Variants in NCKAP5 observed in about 807,000 individuals in gnomAD.
NCKAP5 encodes NCK associated protein 5, also known as nck-associated protein 5.
A neutral mutation model predicts 167.0 loss-of-function variants in NCKAP5; 92 were observed. That is an observed-to-expected ratio of 0.55 (90% CI 0.47 to 0.66). The LOEUF (loss-of-function observed/expected upper bound fraction) is 0.66. NCKAP5 is among the 30% of genes least tolerant of loss of function. The pLI, the probability that NCKAP5 is intolerant of heterozygous loss-of-function variation, is 0.00. For synonymous variants in NCKAP5, 891 were observed against 877.4 expected (o/e 1.02, Z -0.27); for missense variants, 2,378 against 2,315.0 (o/e 1.03, Z -0.56).
intron 6 of NCKAP5, among the ~76,000 whole-genome samples, chr2:133,112,380 G>A (rs148969349): frequency 1.7e-3 from 264 of 152,054 alleles, no homozygotes; most frequent in African/African-American, 5.1e-3. Context: ...AGGCTGAGGC[G>A]GAAGAATAGC....
chr2:133,397,017 G>A (rs765144081), intron 3 of NCKAP5, among the ~76,000 whole-genome samples: 10 of 152,158 alleles, frequency 6.6e-5, no homozygotes, highest in Non-Finnish European at 1.2e-4. Flanking sequence ...AAATATGTAA[G>A]GACAGACCTT....
At chr2:132,906,347 G>A (rs1694008622) in intron 8 of NCKAP5, among the ~76,000 whole-genome samples, 1 of 152,128 alleles carries the variant, frequency 6.6e-6, no homozygotes, top group African/African-American at 2.4e-5. Flanking sequence ...GTTAATGAAA[G>A]TGCCAACAAA....
chr2:133,648,282 G>A, the NCKAP5 span, among the ~76,000 whole-genome samples: 4 of 151,874 alleles, frequency 2.6e-5, no homozygotes, highest in African/African-American at 7.3e-5. Context: ...TGGCAAAACT[G>A]AAGGGAGAAA....
At chr2:133,210,060 G>A (rs1227212877) in intron 5 of NCKAP5, among the ~76,000 whole-genome samples, 2 of 151,570 alleles carry the variant, frequency 1.3e-5, no homozygotes, top group African/African-American at 4.9e-5. Flanking sequence ...AGCTCCTTTG[G>A]AAGCTGAGGC....
intron 3 of NCKAP5, among the ~76,000 whole-genome samples, chr2:133,403,051 G>A (rs1366954063): frequency 6.6e-6 from 1 of 152,128 alleles, no homozygotes; most frequent in African/African-American, 2.4e-5. Flanking sequence ...CAAGCTCCAG[G>A]TGGCACACCA....
chr2:132,987,731 A>G (rs996374727), intron 7 of NCKAP5, among the ~76,000 whole-genome samples: 5 of 152,176 alleles, frequency 3.3e-5, no homozygotes, highest in Non-Finnish European at 5.9e-5. Context: ...GCTGATCACT[A>G]TACTTAACCT....
At chr2:133,302,798 AAAAAAT>A (rs1680483353) in intron 4 of NCKAP5, among the ~76,000 whole-genome samples, 1 of 151,232 alleles carries the variant, frequency 6.6e-6, no homozygotes, top group African/African-American at 2.4e-5. Flanking sequence ...ATAAAAATAA[AAAAAAT>A]AAATAAATAA....
At chr2:133,447,399 C>T (rs996980735) in intron 3 of NCKAP5, among the ~76,000 whole-genome samples, 11 of 151,520 alleles carry the variant, frequency 7.3e-5, no homozygotes, top group Non-Finnish European at 1.3e-4. Context: ...CCTCTTTCTC[C>T]GTCTTTTTCC....
intron 8 of NCKAP5, among the ~76,000 whole-genome samples, chr2:132,913,353 A>G (rs1694602533): frequency 6.6e-6 from 1 of 152,100 alleles, no homozygotes; most frequent in Non-Finnish European, 1.5e-5. Context: ...AGCCAGATGG[A>G]ACCTGGGTCA....
At chr2:132,907,566 G>A (rs1694094428) in intron 8 of NCKAP5, among the ~76,000 whole-genome samples, 1 of 151,506 alleles carries the variant, frequency 6.6e-6, no homozygotes, top group Non-Finnish European at 1.5e-5. Flanking sequence ...TGTGCACTAA[G>A]AGGCAGTATG....
chr2:133,119,643 C>G (rs2082191227), intron 6 of NCKAP5, among the ~76,000 whole-genome samples: 1 of 151,984 alleles, frequency 6.6e-6, no homozygotes, highest in South Asian at 2.1e-4. Context: ...ACTTGCACTC[C>G]AAAATTATGT....
chr2:133,173,615 T>C (rs1325418869), intron 5 of NCKAP5, among the ~76,000 whole-genome samples: 1 of 152,114 alleles, frequency 6.6e-6, no homozygotes, highest in East Asian at 1.9e-4. Context: ...TAACCCTGGC[T>C]CCTTTGCTAT....
chr2:133,252,480 C>T (rs922024614), intron 4 of NCKAP5, among the ~76,000 whole-genome samples: 1 of 152,164 alleles, frequency 6.6e-6, no homozygotes, highest in African/African-American at 2.4e-5. Context: ...GACATCCTAC[C>T]ATTGGCTGGA....
chr2:133,431,403 CT>C lies in NCKAP5; in HGVS notation c.69+86054del, dbSNP rs199757363. On this transcript the variant is annotated intron_variant, in intron 3 of 19. Coordinates refer to ENST00000409261, the MANE Select transcript of NCKAP5 (RefSeq NM_207363.3). ...CATTTTAATCACCACCCACTCTGGA[CT>C]TTTAGAGGTAGAAGAGGAGAGAGGT... 5.8e-3 allele frequency among the ~76,000 whole-genome samples: 877 copies of C among 152,262 alleles called. 27 individuals are homozygous for C. The highest frequency in any genetic ancestry group is 0.052 in the Admixed American group (799 of 15,288).
intron 11 of NCKAP5, among the ~76,000 whole-genome samples, chr2:132,806,871 A>G (rs1250470124): frequency 6.6e-6 from 1 of 152,092 alleles, no homozygotes; most frequent in Non-Finnish European, 1.5e-5. Flanking sequence ...GGGTTTTTCC[A>G]ATGTTATCTT....
chr2:133,596,688 C>T, the NCKAP5 span, among the ~76,000 whole-genome samples: 1 of 152,246 alleles, frequency 6.6e-6, no homozygotes, highest in South Asian at 2.1e-4. Flanking sequence ...ATAGTAAGGT[C>T]TCCTTCAGAC....
chr2:132,736,780 T>A (rs969895824), intron 16 of NCKAP5, among the ~76,000 whole-genome samples: 1 of 152,068 alleles, frequency 6.6e-6, no homozygotes, highest in Non-Finnish European at 1.5e-5. Flanking sequence ...TGAGACTCCG[T>A]CTCAAAACAA....
chr2:133,452,640 G>T (rs1345776528), intron 3 of NCKAP5, among the ~76,000 whole-genome samples: 1 of 152,190 alleles, frequency 6.6e-6, no homozygotes, highest in Non-Finnish European at 1.5e-5. Flanking sequence ...AATGTAAGAT[G>T]TTGACATGAC....
chr2:133,602,684 T>C, the NCKAP5 span, among the ~76,000 whole-genome samples: 1 of 152,082 alleles, frequency 6.6e-6, no homozygotes, highest in Non-Finnish European at 1.5e-5. Context: ...CATAAGCAAA[T>C]GGGTGTGGCT....
Sources: allele counts gnomAD v4.1 joint callset (sites outside exome capture counted in the v4.1 genomes callset), GRCh38; gene constraint gnomAD v4.1.1; transcripts MANE v1.5; gene names NCBI Gene and HGNC (gene_info 2026-07-23, HGNC 2026-07-21).